Variants in FPGS observed in about 807,000 individuals in gnomAD.
The protein encoded by FPGS is folylpolyglutamate synthase.
In FPGS, 53 loss-of-function variants were observed where a neutral mutation model predicts 66.5. The observed-to-expected ratio is 0.80, with a 90% confidence interval of 0.64 to 1.00. The LOEUF is 1.00. FPGS is among the 50% of genes least tolerant of loss of function. The pLI is 0.00. For missense variants in FPGS, 702 were observed against 807.7 expected, an observed-to-expected ratio of 0.87 and a Z score of 1.59; for synonymous variants, 348 against 350.9, an observed-to-expected ratio of 0.99 and a Z score of 0.09.
Position 127,809,907 on chromosome 9 carries a change from C to T in FPGS, c.1211+73C>T, listed in dbSNP as rs1588560429. 3.0e-5 allele frequency: 9 copies of T among 297,504 alleles called. No homozygotes were observed. In the East Asian group the frequency reaches 6.4e-4, roughly 21 times the overall value. The allele number at this position is 297,504 out of a possible 1,614,324, so 18.4% of individuals were successfully genotyped here. A position where few individuals can be genotyped will look rare whatever the true frequency, so the allele number is the denominator to read the frequency against. On this transcript the variant is annotated intron_variant, in intron 12 of 14. Coordinates refer to ENST00000373247, the MANE Select transcript of FPGS (RefSeq NM_004957.6). ...GGCGGGATCTTGGGGAAGGGCGGGGCGGGGTCGTGGGGAAGGGCGGGGGCG... is the reference window on the plus strand; with the variant it reads ...GGCGGGATCTTGGGGAAGGGCGGGGTGGGGTCGTGGGGAAGGGCGGGGGCG...
chr9:127,808,332 G>C lies in FPGS; in HGVS notation c.822+21G>C, dbSNP rs775901209. The C allele has an allele frequency of 1.9e-6, 3 of 1,604,888 alleles. No homozygotes were observed. The Admixed American group carries it at 5.0e-5, about 27-fold the overall frequency. The stretch of plus-strand genomic sequence containing the variant: ...TCTCAGTAAGTCTGATTGGAATGGG[G>C]CAGCGGCAGGGTGGGTTTGTGTCCC... On this transcript the variant is annotated intron_variant, in intron 9 of 14. Coordinates refer to ENST00000373247, the MANE Select transcript of FPGS (RefSeq NM_004957.6).
rs757781221 is a variant in FPGS, at chr9:127,809,992, G to A, written c.1212-39G>A. 1.0e-5 allele frequency: 16 copies of A among 1,580,628 alleles called. No homozygotes were observed. In the African/African-American group the frequency reaches 2.2e-4, roughly 21 times the overall value. ...CGGGATTGGTACCGCAGGGAGAACG[G>A]GCGGCGCCCTTTGACCCAGCTCCTC... On this transcript the variant is annotated intron_variant, in intron 12 of 14. Coordinates refer to ENST00000373247, the MANE Select transcript of FPGS (RefSeq NM_004957.6).
Position 127,814,013 on chromosome 9 carries a change from C to CG in FPGS, c.*412dup. 1 of 1,029,674 alleles carries CG rather than the reference C, an allele frequency of 9.7e-7. No homozygotes were observed. Among genetic ancestry groups the CG allele is most frequent in the African/African-American group, 1.7e-5 (1 of 59,064 alleles). 63.8% of individuals were successfully genotyped at this position (1,029,674 alleles called of 1,614,324 possible). On this transcript the variant is annotated 3_prime_UTR_variant, in exon 15 of 15. Transcript: ENST00000373247. Reference sequence around the variant, plus strand: ...GAGAGGGCCTCTGCCTGGGACACTGCGGGACAGAGGGTGGCTGGAGTGAAT... The same window carrying CG: ...GAGAGGGCCTCTGCCTGGGACACTGCGGGGACAGAGGGTGGCTGGAGTGAAT...
chr9:127,803,550 C>T (rs568597807), intron 1 of FPGS: 490 of 424,254 alleles, frequency 1.2e-3, no homozygotes, highest in Middle Eastern at 2.3e-3. Context: ...GGCCCCAGAA[C>T]CTGGAAAATA....
At chr9:127,812,136 C>T (rs1228830445) in intron 14 of FPGS, among the ~76,000 whole-genome samples, 1 of 152,044 alleles carries the variant, frequency 6.6e-6, no homozygotes, top group Non-Finnish European at 1.5e-5. Flanking sequence ...GTGGTCCTAG[C>T]TACTCAGGAG....
chr9:127,805,672 A>G (rs1445036937), intron 4 of FPGS, among the ~76,000 whole-genome samples: 3 of 152,252 alleles, frequency 2.0e-5, no homozygotes, highest in Admixed American at 6.5e-5. Flanking sequence ...ATATTTATCA[A>G]TTAGTATGTC....
At chr9:127,812,043 C>G (rs890314194) in intron 14 of FPGS, among the ~76,000 whole-genome samples, 1 of 151,800 alleles carries the variant, frequency 6.6e-6, no homozygotes, top group Admixed American at 6.6e-5. Context: ...GCAGGAGGAT[C>G]GTTTGAGCTC....
At position 127,804,813 on chromosome 9, in the gene FPGS, C is replaced by T. The variant is rs1588551376; in HGVS notation, c.386+113C>T. 7.5e-6 allele frequency: 7 copies of T among 935,836 alleles called. No individual in the cohort carries two copies. The East Asian group carries it at 1.7e-4, about 22-fold the overall frequency. 58.0% of individuals were successfully genotyped at this position (935,836 alleles called of 1,614,324 possible). ...CCCCCAGGAGGTCAGCTGCATGTCT[C>T]TCTGCCCAGTGTTTATTCATTCAAT... On this transcript the variant is annotated intron_variant, in intron 4 of 14. Coordinates refer to ENST00000373247, the MANE Select transcript of FPGS (RefSeq NM_004957.6).
In FPGS at chr9:127,807,532, A is replaced by T; in HGVS notation, c.641+50A>T. On this transcript the variant is annotated intron_variant, in intron 7 of 14. Coordinates refer to ENST00000373247, the MANE Select transcript of FPGS (RefSeq NM_004957.6). The surrounding 1 kb of genome is among the most constrained non-coding windows in gnomAD (Gnocchi z 5.8). ...GGGTGGCAGCCAGGAGCACAGCCTC[A>T]CCTGCCGCCTGGTGGCTCAGGGCAG... The T allele has an allele frequency of 6.2e-7, 1 of 1,612,168 alleles. No individual in the cohort carries two copies. The highest frequency in any genetic ancestry group is 8.5e-7 in the Non-Finnish European group (1 of 1,178,636).
Position 127,808,718 on chromosome 9 carries a change from C to A in FPGS, c.970+13C>A. ...CAGGACCGCCATGGTGAGTGGGCAG[C>A]TGAGTGGGCAGGCAGGTGGGTGGCA... On this transcript the variant is annotated intron_variant, in intron 10 of 14. Coordinates refer to ENST00000373247, the MANE Select transcript of FPGS (RefSeq NM_004957.6). 1 of 1,575,658 alleles carries A rather than the reference C, an allele frequency of 6.3e-7. No individual in the cohort carries two copies. Among genetic ancestry groups the A allele is most frequent in the Non-Finnish European group, 8.6e-7 (1 of 1,160,674 alleles).
chr9:127,806,350 A>AC (rs1829805081), intron 4 of FPGS: 1 of 153,184 alleles, frequency 6.5e-6, no homozygotes, highest in African/African-American at 2.4e-5. Context: ...TACTAAAAAT[A>AC]CAAGAATCAG....
Position 127,808,848 on chromosome 9 carries a change from C to G in FPGS, c.1019C>G (p.Pro340Arg). 1 of 1,562,420 alleles carries G rather than the reference C, an allele frequency of 6.4e-7. No individual in the cohort carries two copies. ...AGGCCAGGGCTCCTGTGGCAGCTGC[C>G]CCTGGCACCTGTGTTCCAGCCCACA... ...ASRPGLLWQL[P>R]LAPVFQPTSH... The change falls in exon 11 of 15, where the codon CCC (proline) becomes CGC (arginine). Residue 340 changes from proline to arginine, a missense_variant. Coordinates refer to ENST00000373247, the MANE Select transcript of FPGS (RefSeq NM_004957.6).
At chr9:127,809,880 G>A (rs1829990087) in intron 12 of FPGS, 46 bp downstream of exon 12, 2 of 1,308,714 alleles carry the variant, frequency 1.5e-6, no homozygotes, top group Non-Finnish European at 2.1e-6. Flanking sequence ...CCCACGAGGA[G>A]GGGCGGGATC....
At chr9:127,811,891 T>C (rs1478960369) in intron 14 of FPGS, among the ~76,000 whole-genome samples, 2 of 152,146 alleles carry the variant, frequency 1.3e-5, no homozygotes, top group African/African-American at 4.8e-5. Context: ...GTTCCAGGCA[T>C]ATGTATAAGT....
intron 1 of FPGS, chr9:127,803,286 C>T (rs114906420): frequency 2.4e-6 from 3 of 1,229,378 alleles, no homozygotes; most frequent in Non-Finnish European, 3.0e-6. Flanking sequence ...GTCCCCGCCC[C>T]GGGTTGGGAA....
intron 4 of FPGS, chr9:127,806,724 G>C (rs1829823745): frequency 2.3e-5 from 12 of 531,042 alleles, no homozygotes; most frequent in Non-Finnish European, 4.1e-5. Context: ...TGCAAGACCA[G>C]CCTGGGTGAG....
At chr9:127,810,498 G>T (rs529467613) in intron 13 of FPGS, among the ~76,000 whole-genome samples, 2 of 152,242 alleles carry the variant, frequency 1.3e-5, no homozygotes, top group South Asian at 4.2e-4. Context: ...TTGGTTGAAG[G>T]AGTCATTGGG....
At chr9:127,805,773 A>G (rs1035945537) in intron 4 of FPGS, among the ~76,000 whole-genome samples, 4 of 152,184 alleles carry the variant, frequency 2.6e-5, no homozygotes, top group Non-Finnish European at 5.9e-5. Flanking sequence ...CGGGCTGCAG[A>G]TAGGAGCCCT....
rs149393430 is a variant in FPGS at position 127,804,030 on chromosome 9, G to A, written c.139-255G>A. On this transcript the variant is annotated intron_variant, in intron 1 of 14. Coordinates refer to ENST00000373247, the MANE Select transcript of FPGS (RefSeq NM_004957.6). Reference sequence around the variant, plus strand: ...CCTGGGCAGGAAGCAAGGCTAGCCCGTTAGTCATGCCACCTTCTTTGTGTA... The same window carrying A: ...CCTGGGCAGGAAGCAAGGCTAGCCCATTAGTCATGCCACCTTCTTTGTGTA... 1.1e-4 allele frequency among the ~76,000 whole-genome samples: 16 copies of A among 152,346 alleles called. No homozygotes were observed. In the East Asian group the frequency reaches 2.3e-3, roughly 22 times the overall value.
Sources: allele counts gnomAD v4.1 joint callset (sites outside exome capture counted in the v4.1 genomes callset), GRCh38; gene constraint gnomAD v4.1.1; non-coding constraint Gnocchi (gnomAD v3.1); transcripts MANE v1.5; gene names NCBI Gene and HGNC (gene_info 2026-07-23, HGNC 2026-07-21).